Variants in CFAP251 observed in about 807,000 individuals in gnomAD.
The protein encoded by CFAP251 is cilia and flagella associated protein 251, also known as cilia- and flagella-associated protein 251.
CFAP251 carries 93 observed loss-of-function variants against 126.7 expected under a neutral mutation model. That is an observed-to-expected ratio of 0.73 (90% CI 0.62 to 0.87). CFAP251 has a LOEUF of 0.87. CFAP251 is among the 40% of genes least tolerant of loss of function. The probability of loss-of-function intolerance (pLI) is 0.00; values close to 1 mark genes in which losing one functional copy is unlikely to be tolerated. For synonymous variants in CFAP251, 503 were observed against 506.9 expected (o/e 0.99, Z 0.10); for missense variants, 1,287 against 1,389.2 (o/e 0.93, Z 1.17).
chr12:121,957,603 C>T (rs1221123997), intron 11 of CFAP251, among the ~76,000 whole-genome samples: 1 of 149,418 alleles, frequency 6.7e-6, no homozygotes, highest in Non-Finnish European at 1.5e-5. Context: ...ACTCGGGAGG[C>T]TGAGGCAGGA....
intron 5 of CFAP251, among the ~76,000 whole-genome samples, chr12:121,940,455 C>A (rs532062942): frequency 3.6e-4 from 55 of 152,260 alleles, no homozygotes; most frequent in African/African-American, 1.3e-3. Flanking sequence ...AGACTTGATA[C>A]CAGCCAGTTG....
chr12:121,958,458 A>G lies in CFAP251; in HGVS notation c.1917A>G (p.Gln639=), dbSNP rs1481467582. 2.5e-6 allele frequency: 4 copies of G among 1,614,248 alleles called. No individual in the cohort carries two copies. The highest frequency in any genetic ancestry group is 4.5e-5 in the East Asian group (2 of 44,888). The part of the protein sequence containing the change: ...MIKVWNYENK[Q]YLFSRVFEKG... ...AAGTGTGGAATTATGAAAACAAACA[A>G]TATCTTTTCAGCAGGGTTTTTGAGA... is the stretch of plus-strand genomic sequence containing the variant. Residue 639 remains glutamine, a synonymous_variant, in exon 12 of 22, where the codon CAA becomes CAG. Transcript: ENST00000288912.
intron 3 of CFAP251, among the ~76,000 whole-genome samples, chr12:121,929,218 G>A (rs1880576995): frequency 6.6e-6 from 1 of 151,652 alleles, no homozygotes; most frequent in Non-Finnish European, 1.5e-5. Flanking sequence ...CTACTCAGGA[G>A]GCTGAGGCAG....
intron 19 of CFAP251, among the ~76,000 whole-genome samples, chr12:121,987,803 A>G (rs1882787030): frequency 6.6e-6 from 1 of 151,906 alleles, no homozygotes; most frequent in Non-Finnish European, 1.5e-5. Flanking sequence ...GAAAGATTGT[A>G]TAGTCACTTA....
At chr12:121,939,114 T>G (rs1881004631) in intron 5 of CFAP251, among the ~76,000 whole-genome samples, 1 of 152,242 alleles carries the variant, frequency 6.6e-6, no homozygotes, top group Non-Finnish European at 1.5e-5. Flanking sequence ...GCTTTTGTTT[T>G]GAACACACGT....
At chr12:121,947,092 TG>T (rs986904763) in intron 7 of CFAP251, among the ~76,000 whole-genome samples, 6 of 152,362 alleles carry the variant, frequency 3.9e-5, no homozygotes, top group Non-Finnish European at 8.8e-5. Context: ...AGACCTTTTC[TG>T]GTCTTGTCCC....
Position 121,931,661 on chromosome 12 carries a change from T to A in CFAP251, c.748-85T>A. 3 of 1,324,394 alleles carry A rather than the reference T, an allele frequency of 2.3e-6. No individual in the cohort carries two copies. In the South Asian group the frequency reaches 6.4e-5, roughly 28 times the overall value. The allele number at this position is 1,324,394 out of a possible 1,614,324, so 82.0% of individuals were successfully genotyped here. A position where few individuals can be genotyped will look rare whatever the true frequency, so the allele number is the denominator to read the frequency against. On this transcript the variant is annotated intron_variant, in intron 3 of 21. Coordinates refer to ENST00000288912, the MANE Select transcript of CFAP251 (RefSeq NM_144668.6). ...TCTTCACTGAACTGTTGATGTGAAA[T>A]CCTTCCCCTCCGGCGAGTTCCTGGA...
intron 17 of CFAP251, among the ~76,000 whole-genome samples, chr12:121,973,511 C>T (rs1882387004): frequency 6.6e-6 from 1 of 152,206 alleles, no homozygotes; most frequent in African/African-American, 2.4e-5. Flanking sequence ...GATCCACTGA[C>T]AGCTTGCACT....
chr12:122,000,026 G>A (rs1270779177), intron 20 of CFAP251, 82 bp downstream of exon 20: 9 of 1,265,212 alleles, frequency 7.1e-6, no homozygotes, highest in Non-Finnish European at 1.0e-5. Context: ...GCCAGCCCCT[G>A]TGGAGCTCCA....
intron 4 of CFAP251, 93 bp downstream of exon 4, chr12:121,931,979 T>C (rs867339923): frequency 8.0e-7 from 1 of 1,251,592 alleles, no homozygotes; most frequent in African/African-American, 1.5e-5. Context: ...CTTCATTCTA[T>C]CACTGTCGTA....
In CFAP251 at chr12:122,001,487, T is replaced by G. The variant is rs558156353; in HGVS notation, c.3236-10T>G. 2.5e-6 allele frequency: 4 copies of G among 1,611,776 alleles called. No individual in the cohort carries two copies. The African/African-American group carries it at 5.3e-5, about 21-fold the overall frequency. ...GTTAAACAATCACCTTCTCACTCTT[T>G]GACACACAGGTGAGCATATGACGGA... is the stretch of plus-strand genomic sequence containing the variant. On this transcript the variant is annotated splice_polypyrimidine_tract_variant and intron_variant, in intron 20 of 21. Transcript: ENST00000288912.
intron 19 of CFAP251, among the ~76,000 whole-genome samples, chr12:121,980,412 T>C (rs962267945): frequency 6.6e-6 from 1 of 150,948 alleles, no homozygotes; most frequent in Non-Finnish European, 1.5e-5. Flanking sequence ...TTCCTTCTTT[T>C]TTTTTTTTTT....
intron 19 of CFAP251, among the ~76,000 whole-genome samples, chr12:121,976,877 C>T (rs567537817): frequency 6.6e-6 from 1 of 152,200 alleles, no homozygotes; most frequent in Non-Finnish European, 1.5e-5. Flanking sequence ...CACTGCACTC[C>T]AGCCTGGGAG....
intron 7 of CFAP251, among the ~76,000 whole-genome samples, chr12:121,945,931 G>T (rs1390047391): frequency 6.6e-6 from 1 of 152,168 alleles, no homozygotes; most frequent in African/African-American, 2.4e-5. Flanking sequence ...CTCCCAAAGT[G>T]CTGAGATTAC....
At chr12:121,982,994 GGCCA>G (rs1401683416) in intron 19 of CFAP251, among the ~76,000 whole-genome samples, 2 of 152,150 alleles carry the variant, frequency 1.3e-5, no homozygotes, top group African/African-American at 4.8e-5. Flanking sequence ...CATTTTGGGA[GGCCA>G]AGGCAGAGGG....
chr12:121,940,238 T>G (rs764998989), intron 5 of CFAP251, among the ~76,000 whole-genome samples: 23 of 152,230 alleles, frequency 1.5e-4, no homozygotes, highest in Non-Finnish European at 4.4e-5. Context: ...ACAAATATGT[T>G]AATAATGCAG....
At chr12:122,001,024 T>C (rs367749567) in intron 20 of CFAP251, among the ~76,000 whole-genome samples, 7 of 147,732 alleles carry the variant, frequency 4.7e-5, no homozygotes, top group South Asian at 2.3e-4. Flanking sequence ...AGACTTCATC[T>C]CCACCAGAAA....
At chr12:121,928,040 C>G (rs550004885) in intron 3 of CFAP251, among the ~76,000 whole-genome samples, 4 of 152,170 alleles carry the variant, frequency 2.6e-5, no homozygotes, top group Non-Finnish European at 4.4e-5. Flanking sequence ...GAACGCTGCT[C>G]GAGTGGGGTT....
At chr12:121,928,485 T>C (rs1880504844) in intron 3 of CFAP251, among the ~76,000 whole-genome samples, 1 of 151,666 alleles carries the variant, frequency 6.6e-6, no homozygotes, top group Admixed American at 6.6e-5. Context: ...TTATAAGTAT[T>C]GTTCAAAGAT....
Sources: gnomAD v4.1 joint callset for allele counts (sites outside exome capture counted in the v4.1 genomes callset) on GRCh38, gnomAD v4.1.1 for gene constraint, MANE v1.5 for transcripts, NCBI Gene and HGNC (gene_info 2026-07-23, HGNC 2026-07-21) for gene names.